The following NUP107 variants were observed in gnomAD, a reference collection of about 807,000 sequenced individuals.
NUP107 encodes the protein nucleoporin 107, also known as nuclear pore complex protein Nup107.
A neutral mutation model predicts 141.0 loss-of-function variants in NUP107; 101 were observed. The ratio of observed to expected loss-of-function variants is 0.72; its 90% CI spans 0.61 to 0.84. The LOEUF (loss-of-function observed/expected upper bound fraction) is 0.84. Among genes scored for constraint, NUP107 ranks in the 40% least tolerant of loss-of-function variants. The pLI, the probability that NUP107 is intolerant of heterozygous loss-of-function variation, is 0.00. For synonymous variants in NUP107, 319 were observed against 363.9 expected, an observed-to-expected ratio of 0.88 and a Z score of 1.41; for missense variants, 941 against 1,102.7, an observed-to-expected ratio of 0.85 and a Z score of 2.08.
chr12:68,726,989 G>C (rs1243980660), intron 19 of NUP107, among the ~76,000 whole-genome samples: 1 of 152,208 alleles, frequency 6.6e-6, no homozygotes, highest in Admixed American at 6.5e-5. Flanking sequence ...ATTTTGGTCA[G>C]AGTGCATGTA....
chr12:68,709,957 A>G, intron 9 of NUP107, 48 bp from the exon 10 acceptor site: 2 of 1,088,504 alleles, frequency 1.8e-6, no homozygotes, highest in Non-Finnish European at 2.8e-6. Flanking sequence ...ATAAAACACA[A>G]ATAGATTTGG....
At chr12:68,707,016 T>A in intron 8 of NUP107, 1 of 612,908 alleles carries the variant, frequency 1.6e-6, no homozygotes, top group Non-Finnish European at 2.9e-6. Context: ...ATTGTGAAGA[T>A]CGAGACCCAC....
At chr12:68,702,084 G>T (rs1039994434) in intron 7 of NUP107, among the ~76,000 whole-genome samples, 11 of 152,252 alleles carry the variant, frequency 7.2e-5, no homozygotes, top group Middle Eastern at 3.4e-3. Flanking sequence ...CGCCTCCCAG[G>T]TTTAAGCGAT....
Position 68,744,251 on chromosome 12 carries a change from T to C in NUP107, c.*1789T>C, listed in dbSNP as rs1878431067. ...CATGTCCCCCACTCTGTATTTGTCT[T>C]TTGTTGTGCCTTGTTTTTTGAATGT... On this transcript the variant is annotated 3_prime_UTR_variant, in exon 28 of 28. Coordinates refer to ENST00000229179, the MANE Select transcript of NUP107 (RefSeq NM_020401.4). 6.6e-6 allele frequency: 1 copy of C among 152,198 alleles called. No homozygotes were observed. Among genetic ancestry groups the C allele is most frequent in the African/African-American group, 2.4e-5 (1 of 41,436 alleles). 9.4% of individuals were successfully genotyped at this position (152,198 alleles called of 1,614,324 possible). A position where few individuals can be genotyped will look rare whatever the true frequency, so the allele number is the denominator to read the frequency against.
chr12:68,710,188 CT>C, intron 10 of NUP107, 95 bp downstream of exon 10: 4 of 646,928 alleles, frequency 6.2e-6, no homozygotes, highest in Non-Finnish European at 1.1e-5. Flanking sequence ...TTTGTTCACA[CT>C]ACTTTGTTCA....
At chr12:68,740,315 C>T (rs1338445677) in intron 26 of NUP107, 1 of 152,190 alleles carries the variant, frequency 6.6e-6, no homozygotes, top group Non-Finnish European at 1.5e-5. Flanking sequence ...ATATGAATTA[C>T]AAGTAAAACC....
At chr12:68,729,718 C>G (rs902618711) in intron 20 of NUP107, among the ~76,000 whole-genome samples, 1 of 151,780 alleles carries the variant, frequency 6.6e-6, no homozygotes, top group African/African-American at 2.4e-5. Context: ...GCTAGGATTA[C>G]AGGTGTGAGC....
At chr12:68,730,262 G>A (rs143053772) in intron 20 of NUP107, among the ~76,000 whole-genome samples, 11 of 121,060 alleles carry the variant, frequency 9.1e-5, no homozygotes, top group African/African-American at 2.8e-4. Flanking sequence ...CACCCAGGCC[G>A]GAATGTGGAG....
intron 11 of NUP107, chr12:68,714,229 G>A (rs1227392080): frequency 6.5e-6 from 1 of 153,360 alleles, no homozygotes; most frequent in Non-Finnish European, 1.5e-5. Flanking sequence ...TAAAAACAAA[G>A]GAATGAAGCT....
rs1877922239 is a variant in NUP107 at position 68,733,362 on chromosome 12, T to C, written c.2102-90T>C. ...GGGCCCTGAAATAGTTACAGGTCAC[T>C]GTAAAATTGGTAAACCAGTGATTTG... On this transcript the variant is annotated intron_variant, in intron 23 of 27. Transcript: ENST00000229179. 3 of 1,268,906 alleles carry C rather than the reference T, an allele frequency of 2.4e-6. No individual in the cohort carries two copies. The African/African-American group carries it at 4.5e-5, about 19-fold the overall frequency. The allele number at this position is 1,268,906 out of a possible 1,614,324, so 78.6% of individuals were successfully genotyped here.
At chr12:68,708,408 A>G (rs1876695544) in intron 8 of NUP107, among the ~76,000 whole-genome samples, 1 of 152,264 alleles carries the variant, frequency 6.6e-6, no homozygotes, top group South Asian at 2.1e-4. Context: ...CCATTCTTGA[A>G]CTGGTCACAA....
rs1419264069 is a variant in NUP107, at chr12:68,687,581, A to G, written c.8+508A>G. ...AGTTGTGTAATGGAGACAACCAAGCAGTGTAAAGTGGTAAGTGTTTGGGGG... is the reference window on the plus strand; with the variant it reads ...AGTTGTGTAATGGAGACAACCAAGCGGTGTAAAGTGGTAAGTGTTTGGGGG... On this transcript the variant is annotated intron_variant, in intron 1 of 27. Transcript: ENST00000229179. The G allele has an allele frequency of 5.1e-6, 5 of 987,168 alleles. No homozygotes were observed. In the African/African-American group the frequency reaches 7.0e-5, roughly 14 times the overall value. The allele number at this position is 987,168 out of a possible 1,614,324, so 61.2% of individuals were successfully genotyped here.
chr12:68,692,183 GTTT>G, intron 5 of NUP107, 71 bp downstream of exon 5: 1 of 1,329,936 alleles, frequency 7.5e-7, no homozygotes, highest in Non-Finnish European at 1.0e-6. Flanking sequence ...ATTTCTTCCT[GTTT>G]CTGAACGTCA....
chr12:68,737,004 A>G (rs1370247950), intron 26 of NUP107, among the ~76,000 whole-genome samples: 3 of 151,998 alleles, frequency 2.0e-5, no homozygotes, highest in Admixed American at 6.5e-5. Flanking sequence ...CGCCCAGCCA[A>G]GTCTCCACTT....
chr12:68,729,658 G>A (rs552796703), intron 20 of NUP107, among the ~76,000 whole-genome samples: 2 of 152,042 alleles, frequency 1.3e-5, no homozygotes, highest in South Asian at 4.1e-4. Context: ...GGCCAGGCTG[G>A]TCTCAAATTC....
At chr12:68,687,534 A>T in intron 1 of NUP107, 1 of 993,088 alleles carries the variant, frequency 1.0e-6, no homozygotes, top group African/African-American at 1.7e-5. Context: ...CAGTTATTCA[A>T]GATCCTTCCC....
chr12:68,722,274 A>G, intron 17 of NUP107, 122 bp downstream of exon 17: 1 of 751,112 alleles, frequency 1.3e-6, no homozygotes, highest in Admixed American at 3.4e-5. Context: ...TAAAATAAGA[A>G]TCATTCTTTG....
intron 17 of NUP107, 96 bp downstream of exon 17, chr12:68,722,248 C>T: frequency 1.1e-6 from 1 of 931,110 alleles, no homozygotes; most frequent in Non-Finnish European, 1.6e-6. Flanking sequence ...GAACTTTCTC[C>T]CTTTTTCTCA....
At chr12:68,704,784 A>G (rs1592500076) in intron 8 of NUP107, among the ~76,000 whole-genome samples, 1 of 152,236 alleles carries the variant, frequency 6.6e-6, no homozygotes, top group African/African-American at 2.4e-5. Context: ...AAGCAAGTAT[A>G]TATAGTTAAA....
Sources: gnomAD v4.1 joint callset for allele counts (sites outside exome capture counted in the v4.1 genomes callset) on GRCh38, gnomAD v4.1.1 for gene constraint, MANE v1.5 for transcripts, NCBI Gene and HGNC (gene_info 2026-07-23, HGNC 2026-07-21) for gene names.